CPEB4: variants seen among roughly 807,000 people sequenced by gnomAD.
CPEB4 encodes cytoplasmic polyadenylation element-binding protein 4.
CPEB4 carries 12 observed loss-of-function variants against 72.5 expected under a neutral mutation model. That is an observed-to-expected ratio of 0.17 (90% CI 0.11 to 0.27). CPEB4 has a LOEUF of 0.27. Ranked by LOEUF, CPEB4 falls within the 10% of genes least tolerant of loss-of-function variation. The probability of loss-of-function intolerance (pLI) is 1.00; values close to 1 mark genes in which losing one functional copy is unlikely to be tolerated. For synonymous variants in CPEB4, 302 were observed against 326.3 expected, an observed-to-expected ratio of 0.93 and a Z score of 0.80; for missense variants, 614 against 908.5, an observed-to-expected ratio of 0.68 and a Z score of 4.17.
At chr5:173,907,342 G>A (rs1756479356) in intron 1 of CPEB4, among the ~76,000 whole-genome samples, 2 of 152,146 alleles carry the variant, frequency 1.3e-5, no homozygotes, top group Non-Finnish European at 2.9e-5. Context: ...AGGTAAAAAG[G>A]AGGCTTCTTG....
At chr5:173,919,354 C>T (rs1224266859) in intron 2 of CPEB4, among the ~76,000 whole-genome samples, 5 of 152,172 alleles carry the variant, frequency 3.3e-5, no homozygotes, top group Non-Finnish European at 7.4e-5. Flanking sequence ...GATTTTCAGA[C>T]TTTGTCCACA....
At chr5:173,923,726 G>A (rs2113214238) in intron 2 of CPEB4, among the ~76,000 whole-genome samples, 1 of 151,460 alleles carries the variant, frequency 6.6e-6, no homozygotes, top group African/African-American at 2.4e-5. Flanking sequence ...GACTTTGGCT[G>A]GCTTAGCTTG....
rs1295282925 is a variant in CPEB4, at chr5:173,950,745, CT to C, written c.1665+670del. The stretch of plus-strand genomic sequence containing the variant: ...GTACGTCTTTCTAGCGTTTTCCTCA[CT>C]TTAATGAAGATTTTACCCAATATTA... On this transcript the variant is annotated intron_variant, in intron 7 of 9. Coordinates refer to ENST00000265085, the MANE Select transcript of CPEB4 (RefSeq NM_030627.4). This position sits in a 1 kb window ranked among gnomAD's most constrained non-coding sequence, Gnocchi z 5.0. 6.6e-6 allele frequency among the ~76,000 whole-genome samples: 1 copy of C among 152,190 alleles called. No individual in the cohort carries two copies. Among genetic ancestry groups the C allele is most frequent in the Non-Finnish European group, 1.5e-5 (1 of 68,030 alleles).
chr5:173,953,581 G>GA, intron 9 of CPEB4: 1 of 362,154 alleles, frequency 2.8e-6, no homozygotes. Context: ...AATATTTACT[G>GA]AATCCTTTGT....
chr5:173,893,065 A>C (rs1170670979), intron 1 of CPEB4: 1 of 151,914 alleles, frequency 6.6e-6, no homozygotes, highest in Non-Finnish European at 1.5e-5. Flanking sequence ...GCACACGCAC[A>C]CATGTATGAG....
intron 4 of CPEB4, 142 bp from the exon 5 acceptor site, chr5:173,944,825 G>T (rs759561255): frequency 8.7e-6 from 6 of 690,122 alleles, no homozygotes; most frequent in African/African-American, 3.6e-5. Context: ...GAATTCAAGA[G>T]TATAGCTAAG....
intron 3 of CPEB4, among the ~76,000 whole-genome samples, chr5:173,939,304 C>A (rs1757741041): frequency 6.6e-6 from 1 of 151,914 alleles, no homozygotes; most frequent in Admixed American, 6.6e-5. Context: ...TTAAAAATGC[C>A]ACATGCTCAG....
chr5:173,956,106 G>A lies in CPEB4; in HGVS notation c.2159G>A (p.Arg720His), dbSNP rs1758368551. ...HKPLVKEGGDRPRHISFRWN is the reference protein window; with the variant it reads ...HKPLVKEGGDHPRHISFRWN Reference sequence around the variant, plus strand: ...CCCCTGGTGAAGGAAGGCGGTGACCGCCCTCGGCATATTTCATTCCGCTGG... The same window carrying A: ...CCCCTGGTGAAGGAAGGCGGTGACCACCCTCGGCATATTTCATTCCGCTGG... The change falls in exon 10 of 10, where the codon CGC becomes CAC. Residue 720 changes from arginine (R) to histidine (H), a missense_variant. Arg to His is a conservative substitution (Grantham distance 29). Around this residue, in one of 5 missense-constraint regions of CPEB4, gnomAD observed 101 missense variants for 243.1 expected, o/e 0.42. Coordinates refer to ENST00000265085, the MANE Select transcript of CPEB4 (RefSeq NM_030627.4). 3 of 1,614,070 alleles carry A rather than the reference G, an allele frequency of 1.9e-6. No individual in the cohort carries two copies. Among genetic ancestry groups the A allele is most frequent in the Admixed American group, 1.7e-5 (1 of 60,000 alleles).
intron 1 of CPEB4, among the ~76,000 whole-genome samples, chr5:173,907,403 T>C (rs1339852521): frequency 6.6e-6 from 1 of 152,220 alleles, no homozygotes; most frequent in African/African-American, 2.4e-5. Context: ...CCAGTCTATA[T>C]TTTTTATCAA....
intron 3 of CPEB4, among the ~76,000 whole-genome samples, chr5:173,932,743 T>A (rs1179405885): frequency 6.6e-6 from 1 of 152,218 alleles, no homozygotes; most frequent in Non-Finnish European, 1.5e-5. Flanking sequence ...AATCCCATAA[T>A]GATACCTAAA....
In CPEB4 at chr5:173,890,605, C is replaced by T. The variant is rs753219715; in HGVS notation, c.872C>T (p.Pro291Leu). ...TCTCCGTGGAGCAGCTACCAGAGTC[C>T]GTCACCAACACCCTCCTCTTCCTGG... Reference protein sequence around the residue: ...PPSPWSSYQSPSPTPSSSWSP... With the variant: ...PPSPWSSYQSLSPTPSSSWSP... The change falls in exon 1 of 10, where the codon CCG becomes CTG. Residue 291 changes from proline to leucine, a missense_variant. Pro to Leu is a moderately conservative substitution (Grantham distance 98). Around this residue, in one of 5 missense-constraint regions of CPEB4, gnomAD observed 458 missense variants for 548.6 expected, o/e 0.83. Coordinates refer to ENST00000265085, the MANE Select transcript of CPEB4 (RefSeq NM_030627.4). 17 of 1,613,948 alleles carry T rather than the reference C, an allele frequency of 1.1e-5. No individual in the cohort carries two copies. The highest frequency in any genetic ancestry group is 1.4e-5 in the Non-Finnish European group (17 of 1,179,976).
At chr5:173,947,587 A>T (rs1438549523) in intron 5 of CPEB4, among the ~76,000 whole-genome samples, 1 of 152,158 alleles carries the variant, frequency 6.6e-6, no homozygotes, top group African/African-American at 2.4e-5. Flanking sequence ...AAGAGAATAT[A>T]AAAATAGAAA....
chr5:173,942,538 G>A (rs146857389), intron 3 of CPEB4, among the ~76,000 whole-genome samples: 1 of 152,322 alleles, frequency 6.6e-6, no homozygotes, highest in East Asian at 1.9e-4. Flanking sequence ...ATTGCTTAAA[G>A]ATTTCATTTG....
chr5:173,907,253 G>A lies in CPEB4; in HGVS notation c.1126-3270G>A, dbSNP rs372512656. On this transcript the variant is annotated intron_variant, in intron 1 of 9. Transcript: ENST00000265085. ...CTGCACTCCAGCCTGGCAACAGAGC[G>A]AGACTCCGTCTCAAAACAACAACAA... Among the ~76,000 whole-genome samples the A allele has an allele frequency of 3.3e-5, 5 of 152,130 alleles. No homozygotes were observed. The South Asian group carries it at 8.3e-4, about 25-fold the overall frequency.
chr5:173,922,683 C>T (rs189733731), intron 2 of CPEB4, among the ~76,000 whole-genome samples: 46 of 152,376 alleles, frequency 3.0e-4, no homozygotes, highest in Non-Finnish European at 5.7e-4. Context: ...GACTTGTTCT[C>T]TTCCCTGATT....
At chr5:173,890,913 A>G (rs1755790548) in intron 1 of CPEB4, 55 bp downstream of exon 1, 9 of 1,506,842 alleles carry the variant, frequency 6.0e-6, no homozygotes, top group Middle Eastern at 1.9e-4. Context: ...GCATGGTGTA[A>G]TATCTATGTA....
intron 9 of CPEB4, among the ~76,000 whole-genome samples, chr5:173,954,341 C>T (rs936296327): frequency 3.9e-5 from 6 of 152,142 alleles, no homozygotes; most frequent in Non-Finnish European, 2.9e-5. Context: ...CTATTCTAAG[C>T]ATGGGGGAGG....
chr5:173,897,209 C>G (rs1756047684), intron 1 of CPEB4, among the ~76,000 whole-genome samples: 1 of 152,158 alleles, frequency 6.6e-6, no homozygotes, highest in Admixed American at 6.5e-5. Context: ...TAAGCTTAAA[C>G]TTTCATTAGC....
chr5:173,916,015 CCA>C (rs1324013986), intron 2 of CPEB4, among the ~76,000 whole-genome samples: 1 of 152,084 alleles, frequency 6.6e-6, no homozygotes, highest in Non-Finnish European at 1.5e-5. Flanking sequence ...ATATAACAAT[CCA>C]CAGTTTCATG....
Sources: allele counts gnomAD v4.1 joint callset (sites outside exome capture counted in the v4.1 genomes callset), GRCh38; gene constraint gnomAD v4.1.1; regional missense constraint gnomAD v4.1.1; non-coding constraint Gnocchi (gnomAD v3.1); transcripts MANE v1.5; gene names NCBI Gene and HGNC (gene_info 2026-07-23, HGNC 2026-07-21).